LASP1: variants seen among roughly 807,000 people sequenced by gnomAD.
The protein encoded by LASP1 is LIM and SH3 domain protein 1.
LASP1 carries 10 observed loss-of-function variants against 38.6 expected under a neutral mutation model. That is an observed-to-expected ratio of 0.26 (90% CI 0.16 to 0.44). The LOEUF (loss-of-function observed/expected upper bound fraction) is 0.44. LASP1 is among the 20% of genes least tolerant of loss of function. The pLI is 1.00. For missense variants in LASP1, 243 were observed against 375.7 expected (o/e 0.65, Z 2.92); for synonymous variants, 132 against 140.8 (o/e 0.94, Z 0.44).
chr17:38,904,782 A>G (rs1000177351), intron 4 of LASP1, among the ~76,000 whole-genome samples: 1 of 152,160 alleles, frequency 6.6e-6, no homozygotes, highest in Non-Finnish European at 1.5e-5. Context: ...TGAGCATTTT[A>G]TACTCTGTAA....
intron 3 of LASP1, chr17:38,896,802 C>A: frequency 2.0e-6 from 1 of 493,028 alleles, no homozygotes; most frequent in South Asian, 8.3e-5. Context: ...GGAGACTGAG[C>A]CTGCGTTAGT....
chr17:38,877,093 G>A (rs1249280319), intron 1 of LASP1, among the ~76,000 whole-genome samples: 1 of 152,198 alleles, frequency 6.6e-6, no homozygotes, highest in Non-Finnish European at 1.5e-5. Context: ...TCTCCAGTGT[G>A]AGCCCTGACC....
intron 5 of LASP1, 179 bp from the exon 6 acceptor site, chr17:38,914,864 C>A: frequency 1.6e-6 from 1 of 630,566 alleles, no homozygotes. Context: ...GGCTCAGAGC[C>A]CCTGCGTGGG....
chr17:38,886,196 C>T (rs1193222455), intron 2 of LASP1, among the ~76,000 whole-genome samples: 1 of 151,888 alleles, frequency 6.6e-6, no homozygotes, highest in African/African-American at 2.4e-5. Flanking sequence ...TGTTGCTGCT[C>T]TCCTGCCTGG....
At chr17:38,873,495 G>A (rs1913668581) in intron 1 of LASP1, among the ~76,000 whole-genome samples, 1 of 152,158 alleles carries the variant, frequency 6.6e-6, no homozygotes, top group South Asian at 2.1e-4. Flanking sequence ...AGTTCTTTCT[G>A]CTCAGCTCTT....
At chr17:38,874,954 G>C (rs1482688817) in intron 1 of LASP1, among the ~76,000 whole-genome samples, 1 of 152,136 alleles carries the variant, frequency 6.6e-6, no homozygotes, top group Non-Finnish European at 1.5e-5. Context: ...TCCGGGTGCA[G>C]GCCTGGCCAT....
chr17:38,882,198 C>T (rs554483768), intron 2 of LASP1, among the ~76,000 whole-genome samples: 1 of 152,334 alleles, frequency 6.6e-6, no homozygotes, highest in Admixed American at 6.5e-5. Context: ...TGAGGGTGCA[C>T]TCCCGGCTTC....
rs1361654205 is a variant in LASP1, at chr17:38,921,122, G to T, written c.*2344G>T. 3 of 229,734 alleles carry T rather than the reference G, an allele frequency of 1.3e-5. No individual in the cohort carries two copies. The highest frequency in any genetic ancestry group is 2.6e-5 in the Non-Finnish European group (3 of 115,898). The allele number at this position is 229,734 out of a possible 1,614,324, so 14.2% of individuals were successfully genotyped here. A position where few individuals can be genotyped will look rare whatever the true frequency, so the allele number is the denominator to read the frequency against. ...TGTCACACTGGTGCTGAGTGACCGG[G>T]GGCTGCTGGGCGTCTGTTCTTTACC... is the stretch of plus-strand genomic sequence containing the variant. On this transcript the variant is annotated 3_prime_UTR_variant, in exon 7 of 7. Transcript: ENST00000318008.
intron 4 of LASP1, among the ~76,000 whole-genome samples, chr17:38,910,733 C>CTTTTTTTTTTTTTTTT (rs10526728): frequency 0.044 from 6,006 of 135,130 alleles, 251 homozygotes; most frequent in Middle Eastern, 0.14. Context: ...CTGGAGTCCA[C>CTTTTTTTTTTTTTTTT]TTTTTTTTAA....
chr17:38,918,455 T>A lies in LASP1; in HGVS notation c.613-150T>A. The A allele has an allele frequency of 3.8e-6, 3 of 794,428 alleles. No homozygotes were observed. Among genetic ancestry groups the A allele is most frequent in the Non-Finnish European group, 6.1e-6 (3 of 494,078 alleles). 49.2% of individuals were successfully genotyped at this position (794,428 alleles called of 1,614,324 possible). On this transcript the variant is annotated intron_variant, in intron 6 of 6. Transcript: ENST00000318008. This position sits in a 1 kb window ranked among gnomAD's most constrained non-coding sequence, Gnocchi z 4.4. ...CTCTCAGAAAGCAAGACACAGAGGT[T>A]AAGAATCTTTGCAGCAGAGCCTGGT...
At chr17:38,914,687 C>G (rs1016644248) in intron 5 of LASP1, among the ~76,000 whole-genome samples, 13 of 148,018 alleles carry the variant, frequency 8.8e-5, no homozygotes, top group South Asian at 4.2e-4. Context: ...GACACACACA[C>G]ACACACACAC....
intron 1 of LASP1, among the ~76,000 whole-genome samples, chr17:38,873,272 C>T (rs562257414): frequency 4.6e-5 from 7 of 152,092 alleles, no homozygotes; most frequent in East Asian, 1.9e-4. Flanking sequence ...TGTGGTGCCC[C>T]GTTTTGCTAG....
chr17:38,872,546 C>T (rs1295660519), intron 1 of LASP1, among the ~76,000 whole-genome samples: 2 of 152,186 alleles, frequency 1.3e-5, no homozygotes, highest in Non-Finnish European at 2.9e-5. Flanking sequence ...TATTCCTCTC[C>T]ACCTGCTCCA....
At chr17:38,908,039 C>T (rs1353381537) in intron 4 of LASP1, among the ~76,000 whole-genome samples, 1 of 152,224 alleles carries the variant, frequency 6.6e-6, no homozygotes, top group Non-Finnish European at 1.5e-5. Context: ...GGGACTGAGC[C>T]TGTGGGGTCC....
intron 1 of LASP1, among the ~76,000 whole-genome samples, chr17:38,870,607 A>G (rs1216680566): frequency 6.7e-6 from 1 of 149,784 alleles, no homozygotes; most frequent in African/African-American, 2.5e-5. Flanking sequence ...GAGTGAGAAG[A>G]GACGGCCGCT....
rs1440310547 is a variant in LASP1, at chr17:38,919,100, C to T, written c.*322C>T. On this transcript the variant is annotated 3_prime_UTR_variant, in exon 7 of 7. Coordinates refer to ENST00000318008, the MANE Select transcript of LASP1 (RefSeq NM_006148.4). ...CCTGCCCCTCTGTTCTCTCCCCTCA[C>T]ATCCTCCTGCCCAGCTCCTCACATA... The T allele has an allele frequency of 5.0e-6, 2 of 398,920 alleles. No homozygotes were observed. Among genetic ancestry groups the T allele is most frequent in the Non-Finnish European group, 9.2e-6 (2 of 216,266 alleles). The allele number at this position is 398,920 out of a possible 1,614,324, so 24.7% of individuals were successfully genotyped here. A position where few individuals can be genotyped will look rare whatever the true frequency, so the allele number is the denominator to read the frequency against.
intron 2 of LASP1, among the ~76,000 whole-genome samples, chr17:38,879,216 C>T (rs1437083680): frequency 5.2e-5 from 7 of 133,568 alleles, no homozygotes; most frequent in African/African-American, 1.4e-4. Flanking sequence ...AGTGCAGTGG[C>T]GCGATCTTGG....
chr17:38,888,198 G>A (rs1369139180), intron 2 of LASP1, among the ~76,000 whole-genome samples: 1 of 152,106 alleles, frequency 6.6e-6, no homozygotes, highest in Non-Finnish European at 1.5e-5. Flanking sequence ...CTCTCCTGCA[G>A]CTGGTTTGCT....
At chr17:38,901,256 C>G (rs993626534) in intron 4 of LASP1, among the ~76,000 whole-genome samples, 2 of 152,334 alleles carry the variant, frequency 1.3e-5, no homozygotes, top group African/African-American at 4.8e-5. Flanking sequence ...TTCCCTCCCC[C>G]AGTTAGAGGT....
Sources: gnomAD v4.1 joint callset for allele counts (sites outside exome capture counted in the v4.1 genomes callset) on GRCh38, gnomAD v4.1.1 for gene constraint, Gnocchi (gnomAD v3.1) non-coding constraint, MANE v1.5 for transcripts, NCBI Gene and HGNC (gene_info 2026-07-23, HGNC 2026-07-21) for gene names.